TRIM26: variants seen among roughly 807,000 people sequenced by gnomAD.
The protein encoded by TRIM26 is tripartite motif-containing protein 26.
A neutral mutation model predicts 45.5 loss-of-function variants in TRIM26; 16 were observed. The ratio of observed to expected loss-of-function variants is 0.35; its 90% CI spans 0.24 to 0.53. The LOEUF is 0.53. Among genes scored for constraint, TRIM26 ranks in the 20% least tolerant of loss-of-function variants. The pLI, the probability that TRIM26 is intolerant of heterozygous loss-of-function variation, is 0.92. For synonymous variants in TRIM26, 273 were observed against 290.4 expected, an observed-to-expected ratio of 0.94 and a Z score of 0.61; for missense variants, 442 against 691.1, an observed-to-expected ratio of 0.64 and a Z score of 4.04.
chr6:30,212,595 T>G (rs1778392205), intron 1 of TRIM26, among the ~76,000 whole-genome samples: 1 of 152,214 alleles, frequency 6.6e-6, no homozygotes, highest in Non-Finnish European at 1.5e-5. Flanking sequence ...AAAGCCTATT[T>G]TTTTTAAAGG....
In TRIM26 at chr6:30,194,261, T is replaced by C. The variant is rs140461943; in HGVS notation, c.765+2255A>G. ...GGAGTACTATTCATCCATAATAAAT[T>C]TGAGTTCATGGAAGTAAGACAGTAG... is the stretch of plus-strand genomic sequence containing the variant. On this transcript the variant is annotated intron_variant, in intron 6 of 9. Coordinates refer to ENST00000454678, the MANE Select transcript of TRIM26 (RefSeq NM_003449.5). 8.1e-3 allele frequency among the ~76,000 whole-genome samples: 1,234 copies of C among 152,090 alleles called. 27 individuals are homozygous for C. The highest frequency in any genetic ancestry group is 0.014 in the Admixed American group (208 of 15,282).
At chr6:30,212,424 T>G (rs1372312213) in intron 1 of TRIM26, among the ~76,000 whole-genome samples, 1 of 152,216 alleles carries the variant, frequency 6.6e-6, no homozygotes, top group Non-Finnish European at 1.5e-5. Context: ...ATTGGTTAAC[T>G]GCAACAAATG....
chr6:30,186,509 T>C lies in TRIM26; in HGVS notation c.987A>G (p.Ser329=). ...PQSASGYLQL[S]EDWKCVTYTS... is the part of the protein sequence containing the mutation. ...TGTAGGTCACGCACTTCCAGTCCTC[T>C]GACAGCTGCAGGTACCCACTGGCCG... Residue 329 remains serine (S), a synonymous_variant, in exon 10 of 10, where the codon TCA becomes TCG. Transcript: ENST00000454678. The surrounding 1 kb of genome is among the most constrained non-coding windows in gnomAD (Gnocchi z 7.4). 6.5e-7 allele frequency: 1 copy of C among 1,532,606 alleles called. No individual in the cohort carries two copies. The highest frequency in any genetic ancestry group is 8.8e-7 in the Non-Finnish European group (1 of 1,141,188). 94.9% of individuals were successfully genotyped at this position (1,532,606 alleles called of 1,614,324 possible).
At position 30,189,755 on chromosome 6, in the gene TRIM26, T is replaced by C; in HGVS notation, c.789-222A>G. On this transcript the variant is annotated intron_variant, in intron 7 of 9. Transcript: ENST00000454678. This position sits in a 1 kb window ranked among gnomAD's most constrained non-coding sequence, Gnocchi z 5.0. Reference sequence around the variant, plus strand: ...CGCTCTGTCTACTAAGCCATGTTTCTAACCTCTCTGCTCTGTCCCACCTCA... The same window carrying C: ...CGCTCTGTCTACTAAGCCATGTTTCCAACCTCTCTGCTCTGTCCCACCTCA... The C allele has an allele frequency of 3.2e-6, 2 of 633,082 alleles. No homozygotes were observed. 39.2% of individuals were successfully genotyped at this position (633,082 alleles called of 1,614,324 possible). A position where few individuals can be genotyped will look rare whatever the true frequency, so the allele number is the denominator to read the frequency against.
intron 5 of TRIM26, among the ~76,000 whole-genome samples, chr6:30,197,674 G>A (rs1160841425): frequency 1.3e-5 from 2 of 152,010 alleles, no homozygotes; most frequent in Non-Finnish European, 2.9e-5. Context: ...ATGTAAAATG[G>A]AATAATAGTT....
rs1776669406 is a variant in TRIM26, at chr6:30,198,001, T to C, written c.534+428A>G. Among the ~76,000 whole-genome samples, 1 of 152,304 alleles carries C rather than the reference T, an allele frequency of 6.6e-6. No homozygotes were observed. Among genetic ancestry groups the C allele is most frequent in the Middle Eastern group, 3.4e-3 (1 of 294 alleles). ...ACCTGCCTTAGCTGTTTTCTAGCCCTTCCCTCTCAGTTCTTACCCTGGAGC... is the reference window on the plus strand; with the variant it reads ...ACCTGCCTTAGCTGTTTTCTAGCCCCTCCCTCTCAGTTCTTACCCTGGAGC... On this transcript the variant is annotated intron_variant, in intron 5 of 9. Transcript: ENST00000454678. The surrounding 1 kb of genome is among the most constrained non-coding windows in gnomAD (Gnocchi z 6.3).
At position 30,184,693 on chromosome 6, in the gene TRIM26, C is replaced by G. The variant is rs1339165962; in HGVS notation, c.*1183G>C. 1 of 152,776 alleles carries G rather than the reference C, an allele frequency of 6.5e-6. No homozygotes were observed. The highest frequency in any genetic ancestry group is 2.4e-5 in the African/African-American group (1 of 41,426). The allele number at this position is 152,776 out of a possible 1,614,324, so 9.5% of individuals were successfully genotyped here. The stretch of plus-strand genomic sequence containing the variant: ...GAGCCGTTGGAACAGTCTCTTAGAA[C>G]AGGGTGGAGGACTTAAAACTTGGAT... On this transcript the variant is annotated 3_prime_UTR_variant, in exon 10 of 10. Coordinates refer to ENST00000454678, the MANE Select transcript of TRIM26 (RefSeq NM_003449.5).
Position 30,196,806 on chromosome 6 carries a change from G to A in TRIM26, c.535-60C>T. 2 of 1,564,050 alleles carry A rather than the reference G, an allele frequency of 1.3e-6. No individual in the cohort carries two copies. The highest frequency in any genetic ancestry group is 8.8e-7 in the Non-Finnish European group (1 of 1,139,130). On this transcript the variant is annotated intron_variant, in intron 5 of 9. Transcript: ENST00000454678. The surrounding 1 kb of genome is among the most constrained non-coding windows in gnomAD (Gnocchi z 4.9). ...CTCTGCTCAGGGTGGAGGGCCCAGT[G>A]CTGGAGGTGTGCAAGGCTGGCTCGT...
chr6:30,210,195 ACT>A (rs1402859321), intron 1 of TRIM26, among the ~76,000 whole-genome samples: 16 of 137,866 alleles, frequency 1.2e-4, no homozygotes, highest in African/African-American at 4.3e-4. Flanking sequence ...ACAGAGCGAG[ACT>A]CTGACTCAAA....
At position 30,190,222 on chromosome 6, in the gene TRIM26, C is replaced by G. The variant is rs1332703339; in HGVS notation, c.766-187G>C. 1.5e-6 allele frequency: 1 copy of G among 650,594 alleles called. No homozygotes were observed. The highest frequency in any genetic ancestry group is 2.7e-5 in the East Asian group (1 of 36,742). The allele number at this position is 650,594 out of a possible 1,614,324, so 40.3% of individuals were successfully genotyped here. A position where few individuals can be genotyped will look rare whatever the true frequency, so the allele number is the denominator to read the frequency against. On this transcript the variant is annotated intron_variant, in intron 6 of 9. Coordinates refer to ENST00000454678, the MANE Select transcript of TRIM26 (RefSeq NM_003449.5). This position sits in a 1 kb window ranked among gnomAD's most constrained non-coding sequence, Gnocchi z 4.3. Reference sequence around the variant, plus strand: ...AACAAGAAAACAAACAAAATCGGCACAATGACAGAAGCCACAATGGCTGGG... The same window carrying G: ...AACAAGAAAACAAACAAAATCGGCAGAATGACAGAAGCCACAATGGCTGGG...
At chr6:30,187,659 C>T (rs536678110) in intron 9 of TRIM26, 75 of 287,764 alleles carry the variant, frequency 2.6e-4, no homozygotes, top group African/African-American at 1.6e-3. Flanking sequence ...GTGGCTCACG[C>T]CTATAATCCC....
At position 30,189,883 on chromosome 6, in the gene TRIM26, CAGGATG is replaced by C; in HGVS notation, c.788+124_788+129del. 9.1e-7 allele frequency: 1 copy of C among 1,102,792 alleles called. No homozygotes were observed. Among genetic ancestry groups the C allele is most frequent in the Non-Finnish European group, 1.4e-6 (1 of 734,104 alleles). 68.3% of individuals were successfully genotyped at this position (1,102,792 alleles called of 1,614,324 possible). A position where few individuals can be genotyped will look rare whatever the true frequency, so the allele number is the denominator to read the frequency against. ...TGTGTCCTGCTCCTCAGAAGGGCATCAGGATGAACCATGGGATGTGAGTACCTCTGG... is the reference window on the plus strand; with the variant it reads ...TGTGTCCTGCTCCTCAGAAGGGCATCAACCATGGGATGTGAGTACCTCTGG... On this transcript the variant is annotated intron_variant, in intron 7 of 9. Coordinates refer to ENST00000454678, the MANE Select transcript of TRIM26 (RefSeq NM_003449.5). This position sits in a 1 kb window ranked among gnomAD's most constrained non-coding sequence, Gnocchi z 5.0.
rs1156528369 is a variant in TRIM26 at position 30,198,971 on chromosome 6, G to A, written c.133C>T (p.Pro45Ser). The change falls in exon 4 of 10, where the codon CCC (proline) becomes TCC (serine). Residue 45 changes from proline to serine, a missense_variant. Coordinates refer to ENST00000454678, the MANE Select transcript of TRIM26 (RefSeq NM_003449.5). This position sits in a 1 kb window ranked among gnomAD's most constrained non-coding sequence, Gnocchi z 6.3. Reference protein sequence around the residue: ...FCRSCTTDVRPISGSRPVCPL... With the variant: ...FCRSCTTDVRSISGSRPVCPL... ...CAGACGGGGCGGCTCCCTGAGATGG[G>A]GCGGACGTCTGTGGTGCAGCTGCGG... The A allele has an allele frequency of 1.2e-6, 2 of 1,612,764 alleles. No homozygotes were observed. Among genetic ancestry groups the A allele is most frequent in the Non-Finnish European group, 1.7e-6 (2 of 1,179,848 alleles).
chr6:30,190,071 G>A lies in TRIM26; in HGVS notation c.766-36C>T. Reference sequence around the variant, plus strand: ...AAGAAAAAAGCACAAGTATCAATATGAATCAAATAAGACTTCAATGCATCT... The same window carrying A: ...AAGAAAAAAGCACAAGTATCAATATAAATCAAATAAGACTTCAATGCATCT... On this transcript the variant is annotated intron_variant, in intron 6 of 9. Transcript: ENST00000454678. The surrounding 1 kb of genome is among the most constrained non-coding windows in gnomAD (Gnocchi z 4.3). 1 of 1,611,396 alleles carries A rather than the reference G, an allele frequency of 6.2e-7. No homozygotes were observed. The highest frequency in any genetic ancestry group is 8.5e-7 in the Non-Finnish European group (1 of 1,178,812).
chr6:30,198,635 C>CA lies in TRIM26; in HGVS notation c.438+30dup, dbSNP rs774966983. 2 of 1,604,458 alleles carry CA rather than the reference C, an allele frequency of 1.2e-6. No homozygotes were observed. Among genetic ancestry groups the CA allele is most frequent in the South Asian group, 1.1e-5 (1 of 90,760 alleles). ...AAGGTGGAGCATCCAGAGAAGGTGG[C>CA]AAGGCACCCTCGGGGGTGAAGAGGG... On this transcript the variant is annotated intron_variant, in intron 4 of 9. Transcript: ENST00000454678. The surrounding 1 kb of genome is among the most constrained non-coding windows in gnomAD (Gnocchi z 6.3).
In TRIM26 at chr6:30,207,849, C is replaced by A. The variant is rs909611161; in HGVS notation, c.-375-3084G>T. On this transcript the variant is annotated intron_variant, in intron 1 of 9. Transcript: ENST00000454678. The surrounding 1 kb of genome is among the most constrained non-coding windows in gnomAD (Gnocchi z 4.9). ...CCATCCCTTTCCCACTTAGCAAATGCCTTTTCTAGCTTGAAGTCTCAGCTG... is the reference window on the plus strand; with the variant it reads ...CCATCCCTTTCCCACTTAGCAAATGACTTTTCTAGCTTGAAGTCTCAGCTG... Among the ~76,000 whole-genome samples, 1 of 152,222 alleles carries A rather than the reference C, an allele frequency of 6.6e-6. No individual in the cohort carries two copies. Among genetic ancestry groups the A allele is most frequent in the Non-Finnish European group, 1.5e-5 (1 of 68,042 alleles).
At position 30,199,129 on chromosome 6, in the gene TRIM26, C is replaced by T. The variant is rs776785237; in HGVS notation, c.-26G>A. On this transcript the variant is annotated 5_prime_UTR_variant, in exon 4 of 10. Transcript: ENST00000454678. The stretch of plus-strand genomic sequence containing the variant: ...GGTATCCTTAGTTCAGAGAGGTCTC[C>T]GTTCACTGGTGAGGACTTCTTCTCC... 116 of 1,526,072 alleles carry T rather than the reference C, an allele frequency of 7.6e-5. No individual in the cohort carries two copies. In the East Asian group the frequency reaches 8.2e-4, roughly 11 times the overall value. The allele number at this position is 1,526,072 out of a possible 1,614,324, so 94.5% of individuals were successfully genotyped here. A position where few individuals can be genotyped will look rare whatever the true frequency, so the allele number is the denominator to read the frequency against.
In TRIM26 at chr6:30,196,532, G is replaced by C; in HGVS notation, c.749C>G (p.Ala250Gly). The change falls in exon 6 of 10, where the codon GCT becomes GGT. Residue 250 changes from alanine to glycine, a missense_variant. Ala to Gly is a moderately conservative substitution (Grantham distance 60). Coordinates refer to ENST00000454678, the MANE Select transcript of TRIM26 (RefSeq NM_003449.5). This position sits in a 1 kb window ranked among gnomAD's most constrained non-coding sequence, Gnocchi z 4.9. ...GCCTCTCACCTGCATGAGCTCTGCA[G>C]CTGGCTGCTGCGCCTTGCCCTCCAG... The part of the protein sequence containing the change: ...SELEGKAQQP[A>G]AELMQDTRDF... 6.2e-7 allele frequency: 1 copy of C among 1,608,758 alleles called. No individual in the cohort carries two copies. The highest frequency in any genetic ancestry group is 1.7e-5 in the Admixed American group (1 of 60,020).
chr6:30,205,567 G>C (rs1165704608), intron 1 of TRIM26, among the ~76,000 whole-genome samples: 1 of 152,228 alleles, frequency 6.6e-6, no homozygotes, highest in Non-Finnish European at 1.5e-5. Context: ...GCCGGGCACG[G>C]GGGCTTGTGC....
Sources: allele counts gnomAD v4.1 joint callset (sites outside exome capture counted in the v4.1 genomes callset), GRCh38; gene constraint gnomAD v4.1.1; non-coding constraint Gnocchi (gnomAD v3.1); transcripts MANE v1.5; gene names NCBI Gene and HGNC (gene_info 2026-07-23, HGNC 2026-07-21).